CNTN4: variants seen among roughly 807,000 people sequenced by gnomAD.
CNTN4 encodes the protein contactin 4, also known as contactin-4.
A neutral mutation model predicts 122.5 loss-of-function variants in CNTN4; 77 were observed. The ratio of observed to expected loss-of-function variants is 0.63; its 90% CI spans 0.52 to 0.76. The LOEUF is 0.76. Among genes scored for constraint, CNTN4 ranks in the 30% least tolerant of loss-of-function variants. The pLI is 0.00. For missense variants in CNTN4, 1,256 were observed against 1,259.1 expected, an observed-to-expected ratio of 1.00 and a Z score of 0.04; for synonymous variants, 512 against 447.0, an observed-to-expected ratio of 1.15 and a Z score of -1.83.
intron 3 of CNTN4, among the ~76,000 whole-genome samples, chr3:2,370,481 G>A (rs2150651424): frequency 6.6e-6 from 1 of 152,284 alleles, no homozygotes; most frequent in East Asian, 1.9e-4. Flanking sequence ...CATGGATAGA[G>A]GAGGGAGAGG....
Position 2,326,899 on chromosome 3 carries a change from A to G in CNTN4, c.-144-12279A>G, listed in dbSNP as rs368827559. On this transcript the variant is annotated intron_variant, in intron 2 of 24. Transcript: ENST00000418658. ...CAGCCTTTTTCTAACTCCGAGGCCT[A>G]TCCTCTTACTAGTTGACTATCCATA... Among the ~76,000 whole-genome samples the G allele has an allele frequency of 1.0e-3, 157 of 152,332 alleles. 1 individual carries two copies. Among genetic ancestry groups the G allele is most frequent in the African/African-American group, 3.6e-3 (150 of 41,578 alleles).
At chr3:2,690,143 A>T (rs957814044) in intron 4 of CNTN4, among the ~76,000 whole-genome samples, 1 of 152,166 alleles carries the variant, frequency 6.6e-6, no homozygotes, top group Non-Finnish European at 1.5e-5. Flanking sequence ...GGTTTTCCAA[A>T]GTAAATTTAT....
At chr3:2,864,599 C>T (rs1217848942) in intron 7 of CNTN4, among the ~76,000 whole-genome samples, 5 of 151,594 alleles carry the variant, frequency 3.3e-5, no homozygotes, top group African/African-American at 7.3e-5. Flanking sequence ...ATTAGCCAAG[C>T]GTCGTGGTGG....
intron 3 of CNTN4, among the ~76,000 whole-genome samples, chr3:2,394,140 CAG>C: frequency 6.6e-6 from 1 of 151,090 alleles, no homozygotes; most frequent in African/African-American, 2.4e-5. Flanking sequence ...CATGAATTTG[CAG>C]AGTGTGTCGT....
chr3:2,259,214 A>T (rs6786554), intron 2 of CNTN4, among the ~76,000 whole-genome samples: 106,704 of 151,918 alleles, frequency 0.7, 37,693 homozygotes, highest in South Asian at 0.82. Context: ...CTGGTCAGTC[A>T]GTGAACATAA....
intron 4 of CNTN4, among the ~76,000 whole-genome samples, chr3:2,722,781 A>G (rs1468427676): frequency 6.6e-6 from 1 of 152,200 alleles, no homozygotes; most frequent in Non-Finnish European, 1.5e-5. Flanking sequence ...ATGCCCAATA[A>G]TTGGTGCAAA....
At chr3:2,819,988 G>A (rs2092827419) in intron 7 of CNTN4, among the ~76,000 whole-genome samples, 1 of 152,160 alleles carries the variant, frequency 6.6e-6, no homozygotes, top group South Asian at 2.1e-4. Flanking sequence ...GACACCAAAT[G>A]TATGGGTTTT....
At chr3:2,355,623 G>T (rs373439138) in intron 3 of CNTN4, among the ~76,000 whole-genome samples, 3 of 152,038 alleles carry the variant, frequency 2.0e-5, no homozygotes, top group Non-Finnish European at 4.4e-5. Context: ...ACCCCTGAAG[G>T]TATTTTCTTT....
chr3:2,352,639 C>T lies in CNTN4; in HGVS notation c.-89+13406C>T, dbSNP rs541115398. Reference sequence around the variant, plus strand: ...TGCTGCCTCCCCTTGGTGCAGGGCTCAGGACCTGCAGCCCGCCAAGCCCGA... The same window carrying T: ...TGCTGCCTCCCCTTGGTGCAGGGCTTAGGACCTGCAGCCCGCCAAGCCCGA... On this transcript the variant is annotated intron_variant, in intron 3 of 24. Coordinates refer to ENST00000418658, the MANE Select transcript of CNTN4 (RefSeq NM_175607.3). Among the ~76,000 whole-genome samples the T allele has an allele frequency of 4.6e-5, 7 of 152,326 alleles. No individual in the cohort carries two copies. The East Asian group carries it at 1.4e-3, about 30-fold the overall frequency.
At chr3:2,975,965 A>G (rs567142521) in intron 13 of CNTN4, among the ~76,000 whole-genome samples, 3 of 152,302 alleles carry the variant, frequency 2.0e-5, no homozygotes, top group South Asian at 4.1e-4. Flanking sequence ...TAAATCTTAT[A>G]TTAGTGGAAA....
intron 3 of CNTN4, among the ~76,000 whole-genome samples, chr3:2,401,888 C>T (rs563715978): frequency 1.1e-4 from 17 of 152,230 alleles, no homozygotes; most frequent in Non-Finnish European, 1.5e-4. Flanking sequence ...CCTACAAAAG[C>T]AATTTTGTTT....
At chr3:2,445,590 A>C (rs867844600) in intron 3 of CNTN4, among the ~76,000 whole-genome samples, 5 of 152,278 alleles carry the variant, frequency 3.3e-5, no homozygotes, top group Middle Eastern at 3.4e-3. Context: ...TATCCCTAAA[A>C]ATTAACCATA....
intron 4 of CNTN4, among the ~76,000 whole-genome samples, chr3:2,645,827 C>G (rs1323822050): frequency 6.6e-6 from 1 of 152,190 alleles, no homozygotes; most frequent in East Asian, 1.9e-4. Flanking sequence ...AAGGAAAACT[C>G]AGGTTCTGTT....
chr3:2,798,608 CAA>C (rs1337092169), intron 6 of CNTN4, among the ~76,000 whole-genome samples: 1 of 152,112 alleles, frequency 6.6e-6, no homozygotes, highest in African/African-American at 2.4e-5. Context: ...CTGCTGCACT[CAA>C]GAGATCCTCC....
chr3:2,648,607 C>T (rs934961244), intron 4 of CNTN4, among the ~76,000 whole-genome samples: 14 of 152,172 alleles, frequency 9.2e-5, no homozygotes, highest in African/African-American at 3.1e-4. Flanking sequence ...GCCTCTCCCC[C>T]ATCTCTCTCC....
At chr3:2,820,896 T>C (rs1052582897) in intron 7 of CNTN4, among the ~76,000 whole-genome samples, 2 of 150,624 alleles carry the variant, frequency 1.3e-5, no homozygotes, top group Non-Finnish European at 3.0e-5. Context: ...TGACTGCAAC[T>C]AACTGAAAAC....
intron 3 of CNTN4, among the ~76,000 whole-genome samples, chr3:2,420,443 T>A (rs1442364813): frequency 6.6e-6 from 1 of 152,082 alleles, no homozygotes; most frequent in Non-Finnish European, 1.5e-5. Flanking sequence ...ATTCTTTTTT[T>A]TTTTTCCTTT....
chr3:2,623,380 C>G (rs960214328), intron 4 of CNTN4, among the ~76,000 whole-genome samples: 1 of 152,070 alleles, frequency 6.6e-6, no homozygotes, highest in African/African-American at 2.4e-5. Flanking sequence ...GATCACCGCA[C>G]AGATATTCTG....
At chr3:2,867,021 T>A (rs1476946725) in intron 8 of CNTN4, 72 bp downstream of exon 8, 2 of 1,314,994 alleles carry the variant, frequency 1.5e-6, no homozygotes, top group Admixed American at 3.5e-5. Context: ...TGTTATGTTG[T>A]TGGCACATGA....
Sources: allele counts gnomAD v4.1 joint callset (sites outside exome capture counted in the v4.1 genomes callset), GRCh38; gene constraint gnomAD v4.1.1; transcripts MANE v1.5; gene names NCBI Gene and HGNC (gene_info 2026-07-23, HGNC 2026-07-21).